Variants in CTNNA3 observed in about 807,000 individuals in gnomAD.
The protein encoded by CTNNA3 is catenin alpha-3.
CTNNA3 carries 76 observed loss-of-function variants against 95.7 expected under a neutral mutation model. The observed-to-expected ratio is 0.79, with a 90% CI of 0.66 to 0.96. The LOEUF (loss-of-function observed/expected upper bound fraction) is 0.96. Ranked by LOEUF, CTNNA3 falls within the 40% of genes least tolerant of loss-of-function variation. The pLI is 0.00. For missense variants in CTNNA3, 1,191 were observed against 1,089.8 expected, an observed-to-expected ratio of 1.09 and a Z score of -1.31; for synonymous variants, 431 against 374.4, an observed-to-expected ratio of 1.15 and a Z score of -1.74.
intron 15 of CTNNA3, among the ~76,000 whole-genome samples, chr10:66,021,852 C>CTTTGTTTTTTTTT (rs2079219451): frequency 1.3e-5 from 1 of 75,952 alleles, no homozygotes; most frequent in Admixed American, 1.7e-4. Context: ...AGGATCTTGG[C>CTTTGTTTTTTTTT]TTTTTTTTTT....
chr10:67,249,461 T>C (rs10762156), intron 5 of CTNNA3, among the ~76,000 whole-genome samples: 37,191 of 152,082 alleles, frequency 0.24, 7,628 homozygotes, highest in African/African-American at 0.56. Context: ...TAAATCCTCA[T>C]TTAACATTTT....
chr10:67,112,897 G>A (rs907439745), intron 7 of CTNNA3, among the ~76,000 whole-genome samples: 11 of 152,036 alleles, frequency 7.2e-5, no homozygotes, highest in Admixed American at 2.0e-4. Context: ...AAACATGTGA[G>A]TAATGTACTT....
intron 14 of CTNNA3, among the ~76,000 whole-genome samples, chr10:66,083,619 T>A (rs2080854825): frequency 6.6e-6 from 1 of 152,186 alleles, no homozygotes; most frequent in Non-Finnish European, 1.5e-5. Context: ...AGTGATATGG[T>A]CTTGGTAAAG....
At chr10:66,652,172 A>C (rs1327653712) in intron 9 of CTNNA3, among the ~76,000 whole-genome samples, 3 of 151,710 alleles carry the variant, frequency 2.0e-5, no homozygotes, top group African/African-American at 7.3e-5. Context: ...GAGCAGAAAT[A>C]AATGAAATAG....
At chr10:66,583,024 G>C (rs1433239715) in intron 10 of CTNNA3, among the ~76,000 whole-genome samples, 1 of 151,802 alleles carries the variant, frequency 6.6e-6, no homozygotes, top group African/African-American at 2.4e-5. Context: ...TTGATGCGCT[G>C]TTGGATTTGG....
intron 11 of CTNNA3, among the ~76,000 whole-genome samples, chr10:66,432,944 C>T (rs994408654): frequency 2.6e-5 from 4 of 152,136 alleles, no homozygotes; most frequent in African/African-American, 9.6e-5. Context: ...TGATGGTTTC[C>T]AGCTTCATCC....
At position 67,662,902 on chromosome 10, in the gene CTNNA3, T is replaced by C. The variant is rs111650980; in HGVS notation, c.-5-15384A>G. Among the ~76,000 whole-genome samples, 1,340 of 152,350 alleles carry C rather than the reference T, an allele frequency of 8.8e-3. 26 individuals are homozygous for C. The highest frequency in any genetic ancestry group is 0.03 in the African/African-American group (1,244 of 41,576). ...TTGACTTTTAAAAACATCTTTTGTG[T>C]TCATCTCTTATCCCAGTGGCACAGA... On this transcript the variant is annotated intron_variant, in intron 1 of 17. Coordinates refer to ENST00000433211, the MANE Select transcript of CTNNA3 (RefSeq NM_013266.4).
intron 5 of CTNNA3, among the ~76,000 whole-genome samples, chr10:67,303,755 T>A (rs1840422895): frequency 6.6e-6 from 1 of 152,190 alleles, no homozygotes; most frequent in Non-Finnish European, 1.5e-5. Context: ...TTATTCATTT[T>A]ATAATCACCT....
At chr10:66,548,853 T>C (rs923934107) in intron 10 of CTNNA3, among the ~76,000 whole-genome samples, 1 of 152,090 alleles carries the variant, frequency 6.6e-6, no homozygotes, top group Non-Finnish European at 1.5e-5. Flanking sequence ...ATTGGATTTT[T>C]TTGCTAATAT....
At position 67,378,663 on chromosome 10, in the gene CTNNA3, G is replaced by A. The variant is rs75720451; in HGVS notation, c.579+143179C>T. Among the ~76,000 whole-genome samples the A allele has an allele frequency of 8.2e-3, 1,246 of 152,212 alleles. 13 individuals are homozygous for A. The highest frequency in any genetic ancestry group is 0.029 in the African/African-American group (1,186 of 41,540). ...GACTTAGAACATGCAGTTTTTAACT[G>A]TCTGTTCCTGACTTATTTCACTTAA... On this transcript the variant is annotated intron_variant, in intron 5 of 17. Coordinates refer to ENST00000433211, the MANE Select transcript of CTNNA3 (RefSeq NM_013266.4).
intron 5 of CTNNA3, among the ~76,000 whole-genome samples, chr10:67,423,915 A>T (rs569143307): frequency 2.3e-4 from 35 of 152,328 alleles, no homozygotes; most frequent in African/African-American, 8.4e-4. Flanking sequence ...ACTGATAGAG[A>T]ATGAGCATAT....
At chr10:67,390,938 C>G (rs1048722245) in intron 5 of CTNNA3, among the ~76,000 whole-genome samples, 1 of 152,014 alleles carries the variant, frequency 6.6e-6, no homozygotes, top group African/African-American at 2.4e-5. Context: ...GACAAACCCA[C>G]AGCCAATATC....
intron 1 of CTNNA3, among the ~76,000 whole-genome samples, chr10:67,761,876 A>C (rs1053794112): frequency 4.3e-5 from 3 of 69,940 alleles, no homozygotes; most frequent in African/African-American, 8.3e-5. Context: ...AGACTCCGTC[A>C]AAAAAAAAAA....
chr10:66,767,415 T>C (rs962224899), intron 8 of CTNNA3, among the ~76,000 whole-genome samples: 3 of 147,538 alleles, frequency 2.0e-5, no homozygotes, highest in South Asian at 2.1e-4. Context: ...CACTGCATTC[T>C]AGCCCAGGCA....
At chr10:67,352,356 C>T (rs1589202387) in intron 5 of CTNNA3, among the ~76,000 whole-genome samples, 1 of 151,922 alleles carries the variant, frequency 6.6e-6, no homozygotes, top group African/African-American at 2.4e-5. Flanking sequence ...AAACACTGAG[C>T]AAGGCATACC....
At chr10:66,013,259 A>C (rs1324419669) in intron 15 of CTNNA3, among the ~76,000 whole-genome samples, 1 of 152,186 alleles carries the variant, frequency 6.6e-6, no homozygotes, top group Non-Finnish European at 1.5e-5. Context: ...ACAATCCTAA[A>C]GGAAAGAGAG....
intron 7 of CTNNA3, among the ~76,000 whole-genome samples, chr10:66,826,790 C>G (rs1390082380): frequency 2.0e-5 from 3 of 152,128 alleles, no homozygotes; most frequent in Non-Finnish European, 4.4e-5. Flanking sequence ...CACATTAGAT[C>G]ACTGCTTACG....
intron 6 of CTNNA3, among the ~76,000 whole-genome samples, chr10:67,188,157 A>C (rs772620950): frequency 6.6e-6 from 1 of 152,230 alleles, no homozygotes; most frequent in Non-Finnish European, 1.5e-5. Flanking sequence ...GCACAGATTG[A>C]CCAGACGTAA....
chr10:66,651,521 C>T lies in CTNNA3; in HGVS notation c.1282-29737G>A, dbSNP rs184596155. ...GGCGCCGCAGAGAAGGGGGCAGCGC[C>T]CATCGGGGAGGCTCGGGCCTTGCGT... is the stretch of plus-strand genomic sequence containing the variant. On this transcript the variant is annotated intron_variant, in intron 9 of 17. Transcript: ENST00000433211. 3.2e-4 allele frequency among the ~76,000 whole-genome samples: 49 copies of T among 152,182 alleles called. No homozygotes were observed. The East Asian group carries it at 8.6e-3, about 27-fold the overall frequency.
Sources: allele counts gnomAD v4.1 joint callset (sites outside exome capture counted in the v4.1 genomes callset), GRCh38; gene constraint gnomAD v4.1.1; transcripts MANE v1.5; gene names NCBI Gene and HGNC (gene_info 2026-07-23, HGNC 2026-07-21).